SART3: variants seen among roughly 807,000 people sequenced by gnomAD.
SART3 encodes HIV-1 Tat-interacting protein of 110kDa.
A neutral mutation model predicts 122.3 loss-of-function variants in SART3; 44 were observed. The ratio of observed to expected loss-of-function variants is 0.36; its 90% CI spans 0.28 to 0.46. The LOEUF (loss-of-function observed/expected upper bound fraction) is 0.46. Among genes scored for constraint, SART3 ranks in the 20% least tolerant of loss-of-function variants. The pLI, the probability that SART3 is intolerant of heterozygous loss-of-function variation, is 1.00. For missense variants in SART3, 1,101 were observed against 1,229.0 expected (o/e 0.90, Z 1.56); for synonymous variants, 442 against 454.0 (o/e 0.97, Z 0.34).
rs996031650 is a variant in SART3 at position 108,523,210 on chromosome 12, C to G, written c.*247G>C. Reference sequence around the variant, plus strand: ...CTCAGTCTTTAAGATACAAAACTATCTCAGGACACCACATCCTGGGCCCAG... The same window carrying G: ...CTCAGTCTTTAAGATACAAAACTATGTCAGGACACCACATCCTGGGCCCAG... On this transcript the variant is annotated 3_prime_UTR_variant, in exon 19 of 19. Transcript: ENST00000546815. 6.8e-6 allele frequency: 4 copies of G among 585,408 alleles called. No homozygotes were observed. The highest frequency in any genetic ancestry group is 9.2e-6 in the Non-Finnish European group (3 of 327,472). The allele number at this position is 585,408 out of a possible 1,614,324, so 36.3% of individuals were successfully genotyped here. A position where few individuals can be genotyped will look rare whatever the true frequency, so the allele number is the denominator to read the frequency against.
Position 108,538,969 on chromosome 12 carries a change from C to T in SART3, c.1027G>A (p.Val343Ile). ...CTGTAACGGATCCATAAGTCTGGGACAAGGCAGTTCTCGACCAGGGCGCGC... is the reference window on the plus strand; with the variant it reads ...CTGTAACGGATCCATAAGTCTGGGATAAGGCAGTTCTCGACCAGGGCGCGC... ...FERALVENCL[V>I]PDLWIRYSQY... Residue 343 changes from valine to isoleucine, a missense_variant, in exon 7 of 19, where the codon GTC becomes ATC. This residue lies in a region of SART3 where 885 missense variants were observed against 1,080.1 expected (regional missense o/e 0.82). Transcript: ENST00000546815. 6.2e-7 allele frequency: 1 copy of T among 1,614,146 alleles called. No homozygotes were observed. The highest frequency in any genetic ancestry group is 8.5e-7 in the Non-Finnish European group (1 of 1,180,016).
chr12:108,542,960 A>C, intron 6 of SART3, 68 bp downstream of exon 6: 1 of 1,591,336 alleles, frequency 6.3e-7, no homozygotes, highest in Non-Finnish European at 8.6e-7. Flanking sequence ...GATACTGTTT[A>C]ACTCGCAACT....
At chr12:108,524,066 G>A (rs2136658718) in intron 18 of SART3, 1 of 583,998 alleles carries the variant, frequency 1.7e-6, no homozygotes. Flanking sequence ...AATAATCACT[G>A]CCTTATTTCT....
intron 1 of SART3, among the ~76,000 whole-genome samples, chr12:108,559,882 C>T (rs375380133): frequency 5.9e-5 from 9 of 152,116 alleles, no homozygotes; most frequent in Non-Finnish European, 8.8e-5. Context: ...TATTTCTTCC[C>T]CCACCTCAAT....
chr12:108,551,690 A>T (rs971408362), intron 1 of SART3, among the ~76,000 whole-genome samples: 1 of 152,210 alleles, frequency 6.6e-6, no homozygotes, highest in African/African-American at 2.4e-5. Flanking sequence ...CATTCACTGA[A>T]GCCATATCCT....
intron 3 of SART3, 25 bp from the exon 4 acceptor site, chr12:108,545,348 G>C (rs780396068): frequency 1.9e-6 from 3 of 1,611,850 alleles, no homozygotes; most frequent in Non-Finnish European, 1.7e-6. Flanking sequence ...TGTTCAATTA[G>C]TTTGGGATAT....
At chr12:108,545,705 C>T (rs751592616) in intron 3 of SART3, among the ~76,000 whole-genome samples, 8 of 152,124 alleles carry the variant, frequency 5.3e-5, no homozygotes, top group South Asian at 2.1e-4. Flanking sequence ...CGGTGGCTCA[C>T]GCCTGTAATC....
rs1467826783 is a variant in SART3 at position 108,525,467 on chromosome 12, C to T, written c.2513G>A (p.Gly838Asp). The change falls in exon 17 of 19, where the codon GGC (glycine) becomes GAC (aspartate). Residue 838 changes from glycine to aspartate, a missense_variant. Gly to Asp is a moderately conservative substitution (Grantham distance 94). This residue lies in a region of SART3 where 885 missense variants were observed against 1,080.1 expected (regional missense o/e 0.82). Transcript: ENST00000546815. ...TGCTCTGACTCTGACCTTTGGTTTGCCAGCCCGGTTGGTGACCAGCCTGAG... is the reference window on the plus strand; with the variant it reads ...TGCTCTGACTCTGACCTTTGGTTTGTCAGCCCGGTTGGTGACCAGCCTGAG... ...KDLRLVTNRA[G>D]KPKGLAYVEY... 6.2e-7 allele frequency: 1 copy of T among 1,614,144 alleles called. No homozygotes were observed. The highest frequency in any genetic ancestry group is 8.5e-7 in the Non-Finnish European group (1 of 1,180,034).
chr12:108,546,205 T>A (rs912123244), intron 3 of SART3, among the ~76,000 whole-genome samples: 1 of 151,866 alleles, frequency 6.6e-6, no homozygotes. Flanking sequence ...AAAGGGGAAA[T>A]TGTTTGTTTG....
chr12:108,524,560 C>A lies in SART3; in HGVS notation c.2524-54G>T, dbSNP rs1872278127. 11 of 1,547,910 alleles carry A rather than the reference C, an allele frequency of 7.1e-6. No homozygotes were observed. The South Asian group carries it at 1.0e-4, about 14-fold the overall frequency. ...CAGATCCCGCAGACTAGGGACGCAA[C>A]CTCCTCCTGCAGGGCAGGCACTGGG... On this transcript the variant is annotated intron_variant, in intron 17 of 18. Transcript: ENST00000546815.
chr12:108,536,619 T>G (rs374932595), intron 10 of SART3, 47 bp from the exon 11 acceptor site: 2 of 1,610,880 alleles, frequency 1.2e-6, no homozygotes, highest in Admixed American at 1.7e-5. Flanking sequence ...TGGAGACAGA[T>G]AGTCGCTGGC....
In SART3 at chr12:108,538,958, T is replaced by A. The variant is rs149104453; in HGVS notation, c.1038A>T (p.Leu346Phe). Residue 346 changes from leucine to phenylalanine, a missense_variant, in exon 7 of 19, where the codon TTA becomes TTT. Coordinates refer to ENST00000546815, the MANE Select transcript of SART3 (RefSeq NM_014706.4). ...CTAGGTACTGACTGTAACGGATCCA[T>A]AAGTCTGGGACAAGGCAGTTCTCGA... ...ALVENCLVPD[L>F]WIRYSQYLDR... 1.2e-6 allele frequency: 2 copies of A among 1,614,172 alleles called. No individual in the cohort carries two copies. The highest frequency in any genetic ancestry group is 1.7e-6 in the Non-Finnish European group (2 of 1,180,026).
intron 3 of SART3, among the ~76,000 whole-genome samples, chr12:108,546,839 A>C (rs1231738189): frequency 1.3e-5 from 2 of 152,052 alleles, no homozygotes; most frequent in East Asian, 3.9e-4. Flanking sequence ...CTTTTTTTTG[A>C]GACAGAATCT....
chr12:108,553,772 A>C (rs1456020810), intron 1 of SART3, among the ~76,000 whole-genome samples: 3 of 152,238 alleles, frequency 2.0e-5, no homozygotes, highest in East Asian at 3.8e-4. Context: ...AGAGAATACA[A>C]ATATGAAGGA....
intron 1 of SART3, among the ~76,000 whole-genome samples, chr12:108,557,277 G>A (rs1427954575): frequency 3.0e-5 from 4 of 133,966 alleles, no homozygotes; most frequent in Non-Finnish European, 1.5e-5. Flanking sequence ...GCAGTGGTGT[G>A]ATCTCAGTTC....
chr12:108,525,089 T>C (rs975496905), intron 17 of SART3, among the ~76,000 whole-genome samples: 1 of 152,056 alleles, frequency 6.6e-6, no homozygotes, highest in Non-Finnish European at 1.5e-5. Context: ...AGGGGCCTGG[T>C]TGGAGGCCCC....
At chr12:108,535,598 T>A in intron 11 of SART3, 130 bp from the exon 12 acceptor site, 1 of 794,886 alleles carries the variant, frequency 1.3e-6, no homozygotes, top group Non-Finnish European at 2.2e-6. Context: ...TCCCTGGGCA[T>A]TCCCCAGGCC....
chr12:108,533,180 CA>C (rs1872759482), intron 12 of SART3, among the ~76,000 whole-genome samples: 1 of 152,116 alleles, frequency 6.6e-6, no homozygotes, highest in Non-Finnish European at 1.5e-5. Flanking sequence ...CAGAGCCTCT[CA>C]GGGGCCCTGC....
At chr12:108,531,105 C>T in intron 14 of SART3, 99 bp downstream of exon 14, 1 of 864,682 alleles carries the variant, frequency 1.2e-6, no homozygotes. Context: ...GAGTAAAAGA[C>T]ACTTAGGAAA....
Sources: gnomAD v4.1 joint callset for allele counts (sites outside exome capture counted in the v4.1 genomes callset) on GRCh38, gnomAD v4.1.1 for gene constraint, gnomAD v4.1.1 regional missense constraint, MANE v1.5 for transcripts, NCBI Gene and HGNC (gene_info 2026-07-23, HGNC 2026-07-21) for gene names.